The following GSPT1 variants were observed in gnomAD, a reference collection of about 807,000 sequenced individuals.
The protein encoded by GSPT1 is eukaryotic peptide chain release factor GTP-binding subunit ERF3A.
A neutral mutation model predicts 72.5 loss-of-function variants in GSPT1; 20 were observed. The ratio of observed to expected loss-of-function variants is 0.28; its 90% CI spans 0.19 to 0.40. The LOEUF (loss-of-function observed/expected upper bound fraction) is 0.40. Ranked by LOEUF, GSPT1 falls within the 10% of genes least tolerant of loss-of-function variation. The pLI is 1.00. For synonymous variants in GSPT1, 334 were observed against 293.5 expected, an observed-to-expected ratio of 1.14 and a Z score of -1.41; for missense variants, 580 against 811.9, an observed-to-expected ratio of 0.71 and a Z score of 3.47.
intron 5 of GSPT1, among the ~76,000 whole-genome samples, chr16:11,894,142 T>A (rs575988843): frequency 1.2e-5 from 1 of 83,604 alleles, no homozygotes; most frequent in Non-Finnish European, 2.2e-5. Flanking sequence ...GGTGACAGAA[T>A]GAGACCCTAT....
At chr16:11,910,985 A>G (rs1029167879) in intron 1 of GSPT1, among the ~76,000 whole-genome samples, 1 of 152,214 alleles carries the variant, frequency 6.6e-6, no homozygotes, top group Admixed American at 6.6e-5. Flanking sequence ...AAGGTCAGCC[A>G]TGGCAGGAGA....
At position 11,873,187 on chromosome 16, in the gene GSPT1, T is replaced by TA. The variant is rs2053997409; in HGVS notation, c.1862-17dup. On this transcript the variant is annotated splice_polypyrimidine_tract_variant and intron_variant, in intron 14 of 14. Coordinates refer to ENST00000434724, the MANE Select transcript of GSPT1 (RefSeq NM_002094.4). ...ATGGTCTTACCTAGAAATGAAATTT[T>TA]AAAAAAATCTTTCAGTAGTTAACAG... 6 of 1,431,790 alleles carry TA rather than the reference T, an allele frequency of 4.2e-6. No homozygotes were observed. Among genetic ancestry groups the TA allele is most frequent in the Non-Finnish European group, 4.9e-6 (5 of 1,017,024 alleles). The allele number at this position is 1,431,790 out of a possible 1,614,324, so 88.7% of individuals were successfully genotyped here. A position where few individuals can be genotyped will look rare whatever the true frequency, so the allele number is the denominator to read the frequency against.
chr16:11,902,250 C>T (rs1169954943), intron 1 of GSPT1, among the ~76,000 whole-genome samples: 1 of 150,610 alleles, frequency 6.6e-6, no homozygotes, highest in Non-Finnish European at 1.5e-5. Flanking sequence ...GGCTTGGTGG[C>T]GGGCACCTGT....
At position 11,894,155 on chromosome 16, in the gene GSPT1, C is replaced by CAAAAAAA. The variant is rs57226427; in HGVS notation, c.698+792_698+798dup. On this transcript the variant is annotated intron_variant, in intron 5 of 14. Transcript: ENST00000434724. ...TTGGTGACAGAATGAGACCCTATCT[C>CAAAAAAA]AAAAAAAAAAAAAAAAAAAAAAAAA... Among the ~76,000 whole-genome samples, 23 of 42,672 alleles carry CAAAAAAA rather than the reference C, an allele frequency of 5.4e-4. 2 individuals are homozygous for CAAAAAAA. The highest frequency in any genetic ancestry group is 1.9e-3 in the African/African-American group (22 of 11,332). 28.0% of individuals were successfully genotyped at this position (42,672 alleles called of 152,430 possible). A position where few individuals can be genotyped will look rare whatever the true frequency, so the allele number is the denominator to read the frequency against.
At chr16:11,904,409 G>A (rs536479454) in intron 1 of GSPT1, among the ~76,000 whole-genome samples, 65 of 152,094 alleles carry the variant, frequency 4.3e-4, no homozygotes, top group South Asian at 2.5e-3. Flanking sequence ...TCACCATGTT[G>A]GCCAGGATGG....
chr16:11,905,492 C>G (rs1342989180), intron 1 of GSPT1, among the ~76,000 whole-genome samples: 2 of 152,168 alleles, frequency 1.3e-5, no homozygotes, highest in African/African-American at 4.8e-5. Flanking sequence ...CCCTGAAGGG[C>G]TAATGATCAC....
chr16:11,911,400 C>A (rs1399997873), intron 1 of GSPT1, among the ~76,000 whole-genome samples: 2 of 152,036 alleles, frequency 1.3e-5, no homozygotes, highest in Non-Finnish European at 2.9e-5. Flanking sequence ...CTTTACTTTT[C>A]TTTTTGGACA....
intron 14 of GSPT1, among the ~76,000 whole-genome samples, chr16:11,875,315 G>A (rs2054034163): frequency 6.6e-6 from 1 of 152,136 alleles, no homozygotes; most frequent in Non-Finnish European, 1.5e-5. Context: ...AGAACTTCAT[G>A]ACCCCAAGAT....
chr16:11,874,484 T>TA (rs1346124577), intron 14 of GSPT1, among the ~76,000 whole-genome samples: 2 of 141,964 alleles, frequency 1.4e-5, no homozygotes, highest in Non-Finnish European at 1.5e-5. Context: ...TTTTTTTTTT[T>TA]AAAGCCAAGT....
Position 11,915,602 on chromosome 16 carries a change from C to T in GSPT1, c.119G>A (p.Gly40Glu). 1.3e-6 allele frequency: 2 copies of T among 1,491,078 alleles called. No individual in the cohort carries two copies. Among genetic ancestry groups the T allele is most frequent in the Non-Finnish European group, 1.8e-6 (2 of 1,123,470 alleles). 92.4% of individuals were successfully genotyped at this position (1,491,078 alleles called of 1,614,324 possible). Reference sequence around the variant, plus strand: ...GCCGCCGCCGCCGCAAGGGCCCGGCCCGGGGGCTTCCATGTCCGCCTGGTC... The same window carrying T: ...GCCGCCGCCGCCGCAAGGGCCCGGCTCGGGGGCTTCCATGTCCGCCTGGTC... ...CWDQADMEAP[G>E]PGPCGGGGSL... The change falls in exon 1 of 15, where the codon GGG (glycine) becomes GAG (glutamate). Residue 40 changes from glycine to glutamate, a missense_variant. Gly to Glu is a moderately conservative substitution (Grantham distance 98). Around this residue, in one of 6 missense-constraint regions of GSPT1, gnomAD observed 327 missense variants for 298.8 expected, o/e 1.09. Transcript: ENST00000434724.
chr16:11,907,295 A>G (rs762157939), intron 1 of GSPT1, among the ~76,000 whole-genome samples: 17 of 152,196 alleles, frequency 1.1e-4, no homozygotes, highest in Admixed American at 1.1e-3. Flanking sequence ...CACTACTAGA[A>G]TAAACTTTGA....
At chr16:11,914,802 C>T (rs916294378) in intron 1 of GSPT1, among the ~76,000 whole-genome samples, 1 of 152,146 alleles carries the variant, frequency 6.6e-6, no homozygotes, top group Non-Finnish European at 1.5e-5. Flanking sequence ...AAGTTTCTGC[C>T]CGATCACAAG....
At chr16:11,873,868 G>C (rs1019666653) in intron 14 of GSPT1, among the ~76,000 whole-genome samples, 3 of 152,078 alleles carry the variant, frequency 2.0e-5, no homozygotes, top group Non-Finnish European at 4.4e-5. Context: ...GGATTACAGG[G>C]GTGAGCCACC....
intron 1 of GSPT1, among the ~76,000 whole-genome samples, chr16:11,911,861 T>C (rs1205305189): frequency 9.8e-6 from 1 of 102,230 alleles, no homozygotes; most frequent in Non-Finnish European, 2.0e-5. Flanking sequence ...TGTATTTTTT[T>C]TTTTTTTTTT....
chr16:11,903,695 A>G, intron 1 of GSPT1, among the ~76,000 whole-genome samples: 1 of 152,218 alleles, frequency 6.6e-6, no homozygotes, highest in Admixed American at 6.5e-5. Flanking sequence ...TGTCTCCAAA[A>G]AAAAGGAAAT....
rs35794680 is a variant in GSPT1 at position 11,884,763 on chromosome 16, CAA to C, written c.1347+416_1347+417del. On this transcript the variant is annotated intron_variant, in intron 10 of 14. Transcript: ENST00000434724. ...TGGGTGACAGAGTGAGACTCCGTCTCAAAAAAAAAAAAAAAAAAGAAGGCCAG... is the reference window on the plus strand; with the variant it reads ...TGGGTGACAGAGTGAGACTCCGTCTCAAAAAAAAAAAAAAAAGAAGGCCAG... Among the ~76,000 whole-genome samples the C allele has an allele frequency of 1.5e-3, 142 of 94,634 alleles. 2 individuals carry two copies. The highest frequency in any genetic ancestry group is 0.011 in the East Asian group (37 of 3,428). The allele number at this position is 94,634 out of a possible 152,430, so 62.1% of individuals were successfully genotyped here.
chr16:11,909,722 C>T (rs1326381257), intron 1 of GSPT1, among the ~76,000 whole-genome samples: 2 of 152,182 alleles, frequency 1.3e-5, no homozygotes, highest in Middle Eastern at 3.4e-3. Context: ...GTCAAGAGTT[C>T]GAGACCAGCC....
chr16:11,889,840 A>G (rs1266179374), intron 6 of GSPT1, among the ~76,000 whole-genome samples: 1 of 151,674 alleles, frequency 6.6e-6, no homozygotes, highest in Non-Finnish European at 1.5e-5. Context: ...GGGTTTCACC[A>G]TATTGGCCAG....
At chr16:11,893,685 C>T (rs776074951) in intron 5 of GSPT1, among the ~76,000 whole-genome samples, 11 of 152,066 alleles carry the variant, frequency 7.2e-5, no homozygotes, top group Non-Finnish European at 1.6e-4. Context: ...TGTAGAAACC[C>T]AGTGTGACGC....
Sources: gnomAD v4.1 joint callset for allele counts (sites outside exome capture counted in the v4.1 genomes callset) on GRCh38, gnomAD v4.1.1 for gene constraint, gnomAD v4.1.1 regional missense constraint, MANE v1.5 for transcripts, NCBI Gene and HGNC (gene_info 2026-07-23, HGNC 2026-07-21) for gene names.